The following KIAA0930 variants were observed in gnomAD, a reference collection of about 807,000 sequenced individuals.
The protein encoded by KIAA0930 is uncharacterized protein KIAA0930.
A neutral mutation model predicts 43.9 loss-of-function variants in KIAA0930; 24 were observed. The observed-to-expected ratio is 0.55, with a 90% CI of 0.40 to 0.77. KIAA0930 has a LOEUF of 0.77. KIAA0930 is among the 30% of genes least tolerant of loss of function. KIAA0930 has a pLI of 0.00. For missense variants in KIAA0930, 461 were observed against 574.2 expected (o/e 0.80, Z 2.02); for synonymous variants, 259 against 216.4 (o/e 1.20, Z -1.73).
At chr22:45,217,779 G>A (rs185420007) in intron 1 of KIAA0930, among the ~76,000 whole-genome samples, 2 of 152,322 alleles carry the variant, frequency 1.3e-5, no homozygotes, top group East Asian at 1.9e-4. Flanking sequence ...AGGTGAATCC[G>A]TGAATAATGA....
intron 2 of KIAA0930, among the ~76,000 whole-genome samples, chr22:45,206,209 G>A (rs1021055788): frequency 3.3e-5 from 5 of 152,064 alleles, no homozygotes; most frequent in African/African-American, 4.8e-5. Flanking sequence ...TAGATGTGGC[G>A]TTTCGCCATG....
intron 1 of KIAA0930, among the ~76,000 whole-genome samples, chr22:45,238,172 C>T (rs2083898221): frequency 6.6e-6 from 1 of 151,972 alleles, no homozygotes; most frequent in South Asian, 2.1e-4. Context: ...ATGATCCGCC[C>T]GCCTCAGCCT....
chr22:45,202,215 T>C (rs1165174100), intron 7 of KIAA0930, among the ~76,000 whole-genome samples: 1 of 152,264 alleles, frequency 6.6e-6, no homozygotes, highest in East Asian at 1.9e-4. Flanking sequence ...ACTACAGCTC[T>C]GGGCAGTCCC....
intron 4 of KIAA0930, 150 bp downstream of exon 4, chr22:45,205,479 TG>T: frequency 1.1e-6 from 1 of 884,472 alleles, no homozygotes; most frequent in Admixed American, 2.1e-5. Context: ...GCTCCTCGAA[TG>T]GGATACGGGA....
intron 2 of KIAA0930, among the ~76,000 whole-genome samples, chr22:45,209,561 G>A (rs933678593): frequency 6.6e-6 from 1 of 152,096 alleles, no homozygotes; most frequent in Non-Finnish European, 1.5e-5. Flanking sequence ...ACTGCTGCCC[G>A]CTCTCTCTGT....
intron 7 of KIAA0930, 29 bp downstream of exon 7, chr22:45,202,961 G>GC (rs754718085): frequency 4.1e-5 from 63 of 1,551,474 alleles, no homozygotes; most frequent in Admixed American, 5.6e-5. Context: ...ACGGATGGGA[G>GC]CCCCCGCCCC....
intron 2 of KIAA0930, among the ~76,000 whole-genome samples, chr22:45,209,635 T>C (rs1369245391): frequency 1.3e-5 from 2 of 152,182 alleles, no homozygotes; most frequent in Admixed American, 6.5e-5. Flanking sequence ...CCTGCTCCTC[T>C]TCCCACCATC....
chr22:45,214,262 T>C (rs1303906939), intron 1 of KIAA0930, among the ~76,000 whole-genome samples: 1 of 152,150 alleles, frequency 6.6e-6, no homozygotes, highest in African/African-American at 2.4e-5. Flanking sequence ...AACCAGCCAC[T>C]AGCCACTCCT....
chr22:45,218,044 T>C (rs912894706), intron 1 of KIAA0930, among the ~76,000 whole-genome samples: 1 of 152,114 alleles, frequency 6.6e-6, no homozygotes, highest in African/African-American at 2.4e-5. Flanking sequence ...TCCTCCTGGT[T>C]CTGCACGACG....
At chr22:45,229,281 C>G in intron 1 of KIAA0930, among the ~76,000 whole-genome samples, 1 of 111,140 alleles carries the variant, frequency 9.0e-6, no homozygotes, top group Non-Finnish European at 1.9e-5. Context: ...CCCTCTCCAC[C>G]CCCGCCATCA....
In KIAA0930 at chr22:45,226,100, C is replaced by T. The variant is rs79334392; in HGVS notation, c.65-13993G>A. The T allele has an allele frequency of 2.3e-3, 880 of 380,996 alleles. 2 individuals carry two copies. The highest frequency in any genetic ancestry group is 3.4e-3 in the Non-Finnish European group (623 of 181,924). The allele number at this position is 380,996 out of a possible 1,614,324, so 23.6% of individuals were successfully genotyped here. ...GAACGACAAGAAACACAGGACGTGC[C>T]GAGCCCTGTCCTCGGTGCGTTCAGA... On this transcript the variant is annotated intron_variant, in intron 1 of 9. Coordinates refer to ENST00000336156, the MANE Select transcript of KIAA0930 (RefSeq NM_001009880.2).
In KIAA0930 at chr22:45,197,149, G is replaced by A. The variant is rs1420044354; in HGVS notation, c.*27C>T. The A allele has an allele frequency of 1.6e-5, 25 of 1,534,850 alleles. No homozygotes were observed. The highest frequency in any genetic ancestry group is 1.7e-4 in the Middle Eastern group (1 of 5,904). ...AGCACTCCGAGGGCTGGGCCCGGCC[G>A]GGGCTCTGCGCAGGCTCCGCACGCG... On this transcript the variant is annotated 3_prime_UTR_variant, in exon 10 of 10. Coordinates refer to ENST00000336156, the MANE Select transcript of KIAA0930 (RefSeq NM_001009880.2).
chr22:45,213,485 C>T, intron 1 of KIAA0930: 1 of 1,199,284 alleles, frequency 8.3e-7, no homozygotes, highest in Non-Finnish European at 1.1e-6. Context: ...GCTCACAGGA[C>T]CCGGGGGAAC....
At chr22:45,220,804 C>A (rs1241543788) in intron 1 of KIAA0930, among the ~76,000 whole-genome samples, 6 of 152,158 alleles carry the variant, frequency 3.9e-5, no homozygotes. Flanking sequence ...TGGTCTTGAA[C>A]TCCTGGGCTC....
intron 1 of KIAA0930, among the ~76,000 whole-genome samples, chr22:45,231,217 G>A (rs1346480180): frequency 4.1e-5 from 5 of 121,852 alleles, no homozygotes; most frequent in Admixed American, 8.9e-5. Flanking sequence ...CTGAGACTCC[G>A]TCTCAGAAAA....
intron 4 of KIAA0930, 39 bp from the exon 5 acceptor site, chr22:45,205,357 C>T (rs764433996): frequency 3.2e-6 from 5 of 1,563,352 alleles, no homozygotes; most frequent in Admixed American, 1.7e-5. Flanking sequence ...TGAGGCCCCA[C>T]CCGGCACACA....
rs76360173 is a variant in KIAA0930, at chr22:45,212,480, G to T, written c.65-373C>A. On this transcript the variant is annotated intron_variant, in intron 1 of 9. Transcript: ENST00000336156. Reference sequence around the variant, plus strand: ...GCTGGAAGCCGGGAAGGCTTGGCTGGGGGGGAGCCTTTGGAGAGGCAGGGC... The same window carrying T: ...GCTGGAAGCCGGGAAGGCTTGGCTGTGGGGGAGCCTTTGGAGAGGCAGGGC... The T allele has an allele frequency of 7.4e-4, 1,063 of 1,437,292 alleles. 10 individuals carry two copies. The African/African-American group carries it at 0.014, about 19-fold the overall frequency. The allele number at this position is 1,437,292 out of a possible 1,614,324, so 89.0% of individuals were successfully genotyped here. A position where few individuals can be genotyped will look rare whatever the true frequency, so the allele number is the denominator to read the frequency against.
chr22:45,204,893 C>T (rs927536741), intron 5 of KIAA0930, among the ~76,000 whole-genome samples: 1 of 152,204 alleles, frequency 6.6e-6, no homozygotes, highest in Non-Finnish European at 1.5e-5. Flanking sequence ...AATAATGGCT[C>T]CTCCCGCCCG....
At chr22:45,200,455 G>A (rs1260263762) in intron 7 of KIAA0930, among the ~76,000 whole-genome samples, 1 of 152,138 alleles carries the variant, frequency 6.6e-6, no homozygotes, top group African/African-American at 2.4e-5. Flanking sequence ...TGACACATGG[G>A]GAAACTAAGG....
Sources: gnomAD v4.1 joint callset for allele counts (sites outside exome capture counted in the v4.1 genomes callset) on GRCh38, gnomAD v4.1.1 for gene constraint, MANE v1.5 for transcripts, NCBI Gene and HGNC (gene_info 2026-07-23, HGNC 2026-07-21) for gene names.